The following TMEM181 variants were observed in gnomAD, a reference collection of about 807,000 sequenced individuals.
The protein encoded by TMEM181 is transmembrane protein 181.
TMEM181 carries 39 observed loss-of-function variants against 71.9 expected under a neutral mutation model. That is an observed-to-expected ratio of 0.54 (90% CI 0.42 to 0.71). The LOEUF (loss-of-function observed/expected upper bound fraction) is 0.71. Among genes scored for constraint, TMEM181 ranks in the 30% least tolerant of loss-of-function variants. TMEM181 has a pLI of 0.00. For synonymous variants in TMEM181, 245 were observed against 228.8 expected (o/e 1.07, Z -0.64); for missense variants, 595 against 583.0 (o/e 1.02, Z -0.21).
chr6:158,628,286 TC>T (rs1434437210), intron 13 of TMEM181, 121 bp from the exon 14 acceptor site: 2 of 848,966 alleles, frequency 2.4e-6, no homozygotes, highest in Non-Finnish European at 3.9e-6. Flanking sequence ...GTGTGGAAGT[TC>T]CCATGCAGAA....
intron 5 of TMEM181, 93 bp from the exon 6 acceptor site, chr6:158,589,579 C>G: frequency 1.1e-6 from 1 of 896,236 alleles, no homozygotes; most frequent in South Asian, 1.4e-5. Context: ...TGAGTTCTGC[C>G]CATCTGCTGT....
At chr6:158,572,368 C>G (rs371040893) in intron 1 of TMEM181, 1 of 456,238 alleles carries the variant, frequency 2.2e-6, no homozygotes, top group Non-Finnish European at 4.4e-6. Flanking sequence ...GTGAGGTGCT[C>G]GGTCTCCTTC....
intron 6 of TMEM181, among the ~76,000 whole-genome samples, chr6:158,597,699 C>T (rs140042977): frequency 6.6e-5 from 10 of 152,076 alleles, no homozygotes; most frequent in South Asian, 2.1e-4. Context: ...TTTCTAGAGA[C>T]GGGGTCTCAC....
Position 158,623,556 on chromosome 6 carries a change from C to T in TMEM181, c.903C>T (p.Asn301=), listed in dbSNP as rs371995265. 2.5e-5 allele frequency: 39 copies of T among 1,557,892 alleles called. No homozygotes were observed. The highest frequency in any genetic ancestry group is 1.4e-4 in the African/African-American group (10 of 73,556). ...TTATAATGTCAATTTTTAGAGTTAA[C>T]GAATTACATGATCCAATGTACCAGT... The part of the protein sequence containing the change: ...SVTLGIWQTV[N]ELHDPMYQYR... The change falls in exon 11 of 17, where the codon AAC becomes AAT. Residue 301 remains asparagine (N), a synonymous_variant. Coordinates refer to ENST00000684151, the MANE Select transcript of TMEM181 (RefSeq NM_001376852.1).
chr6:158,539,051 G>A (rs1227989475), intron 1 of TMEM181, among the ~76,000 whole-genome samples: 1 of 152,204 alleles, frequency 6.6e-6, no homozygotes, highest in South Asian at 2.1e-4. Flanking sequence ...CACGGGACAA[G>A]TGACATCAGC....
intron 1 of TMEM181, chr6:158,572,428 CAGAAG>C (rs1196027580): frequency 1.3e-5 from 6 of 456,768 alleles, no homozygotes; most frequent in Non-Finnish European, 2.2e-5. Flanking sequence ...ACAGAGAACA[CAGAAG>C]AGAGAGCAAA....
At chr6:158,536,649 A>T in exon 1 of TMEM181, 1 of 1,477,822 alleles carries the variant, frequency 6.8e-7, no homozygotes, top group Non-Finnish European at 9.0e-7. Context: ...CAGCAGCCCG[A>T]TCCCCAGTGC....
intron 15 of TMEM181, 53 bp from the exon 16 acceptor site, chr6:158,631,270 C>T (rs1786649664): frequency 6.3e-7 from 1 of 1,588,416 alleles, no homozygotes; most frequent in East Asian, 2.2e-5. Flanking sequence ...TCCTGCCTGT[C>T]CAGGCTCATC....
chr6:158,596,124 GT>G (rs1784376979), intron 6 of TMEM181, among the ~76,000 whole-genome samples: 1 of 152,076 alleles, frequency 6.6e-6, no homozygotes, highest in Non-Finnish European at 1.5e-5. Context: ...GTTTCACTGC[GT>G]TAGCCAGGAT....
chr6:158,542,034 T>A (rs1781371280), intron 1 of TMEM181, among the ~76,000 whole-genome samples: 1 of 150,980 alleles, frequency 6.6e-6, no homozygotes, highest in Non-Finnish European at 1.5e-5. Flanking sequence ...GCCTCCCAAG[T>A]AGCTGAGATT....
At chr6:158,562,557 A>G (rs900516083) in intron 1 of TMEM181, among the ~76,000 whole-genome samples, 1 of 151,742 alleles carries the variant, frequency 6.6e-6, no homozygotes, top group African/African-American at 2.4e-5. Flanking sequence ...GTAGAAGTGT[A>G]TTAATTAGAA....
At chr6:158,625,045 G>A in intron 11 of TMEM181, 59 bp from the exon 12 acceptor site, 1 of 1,325,088 alleles carries the variant, frequency 7.5e-7, no homozygotes, top group Non-Finnish European at 1.1e-6. Flanking sequence ...TGGTGGTGCT[G>A]GGAGGAGAAG....
upstream of TMEM181, among the ~76,000 whole-genome samples, chr6:158,557,521 T>C (rs1781941313): frequency 6.6e-6 from 1 of 151,380 alleles, no homozygotes; most frequent in South Asian, 2.1e-4. Context: ...TATTTATTTA[T>C]TTATTTATTT....
exon 1 of TMEM181, chr6:158,536,652 C>A: frequency 6.7e-7 from 1 of 1,486,898 alleles, no homozygotes; most frequent in South Asian, 1.3e-5. Flanking sequence ...CAGCCCGATC[C>A]CCAGTGCTGG....
intron 13 of TMEM181, among the ~76,000 whole-genome samples, chr6:158,626,055 A>C (rs9457416): frequency 0.64 from 98,086 of 152,168 alleles, 32,444 homozygotes; most frequent in African/African-American, 0.79. Context: ...ACCAGCTGGA[A>C]GTAAGGGCAC....
At chr6:158,558,812 T>C (rs1031762592), upstream of TMEM181, among the ~76,000 whole-genome samples, 33 of 152,190 alleles carry the variant, frequency 2.2e-4, no homozygotes, top group African/African-American at 7.2e-4. Flanking sequence ...GTCTGTAATT[T>C]AACAGGCTCC....
intron 6 of TMEM181, among the ~76,000 whole-genome samples, chr6:158,597,194 A>T (rs1451801423): frequency 2.0e-5 from 3 of 151,610 alleles, no homozygotes; most frequent in South Asian, 4.2e-4. Context: ...TTTGTTCTCA[A>T]CCCCATTTTC....
intron 16 of TMEM181, 34 bp downstream of exon 16, chr6:158,631,423 T>C (rs889186211): frequency 1.2e-6 from 2 of 1,608,032 alleles, no homozygotes; most frequent in Admixed American, 1.7e-5. Flanking sequence ...CCGGCACACC[T>C]TGGGCATCCC....
chr6:158,602,367 G>A (rs1784716706), intron 6 of TMEM181, among the ~76,000 whole-genome samples: 1 of 152,204 alleles, frequency 6.6e-6, no homozygotes, highest in South Asian at 2.1e-4. Flanking sequence ...ATAAAGCTTT[G>A]TGTGGACATA....
Sources: gnomAD v4.1 joint callset for allele counts (sites outside exome capture counted in the v4.1 genomes callset) on GRCh38, gnomAD v4.1.1 for gene constraint, MANE v1.5 for transcripts, NCBI Gene and HGNC (gene_info 2026-07-23, HGNC 2026-07-21) for gene names.